The following GPC5 variants were observed in gnomAD, a reference collection of about 807,000 sequenced individuals.
GPC5 encodes the protein glypican 5, also known as glypican-5.
In GPC5, 47 loss-of-function variants were observed where a neutral mutation model predicts 53.9. The observed-to-expected ratio is 0.87, with a 90% CI of 0.69 to 1.11. The LOEUF (loss-of-function observed/expected upper bound fraction) is 1.11, where lower values mean the gene tolerates loss of function less well. Among genes scored for constraint, GPC5 ranks in the 50% most tolerant of loss-of-function variants. GPC5 has a pLI of 0.00. For missense variants in GPC5, 748 were observed against 713.1 expected (o/e 1.05, Z -0.56); for synonymous variants, 286 against 263.3 (o/e 1.09, Z -0.84).
chr13:92,103,886 T>A (rs1431600902), intron 6 of GPC5, among the ~76,000 whole-genome samples: 1 of 152,138 alleles, frequency 6.6e-6, no homozygotes, highest in East Asian at 1.9e-4. Flanking sequence ...GAGTTGCGAT[T>A]CCCAGGAACG....
At chr13:91,702,691 T>G (rs1364647072) in intron 3 of GPC5, among the ~76,000 whole-genome samples, 1 of 152,078 alleles carries the variant, frequency 6.6e-6, no homozygotes, top group African/African-American at 2.4e-5. Context: ...ATTGGTACTT[T>G]GATAGAGATT....
Position 91,693,600 on chromosome 13 carries a change from G to C in GPC5, c.739G>C (p.Glu247Gln), listed in dbSNP as rs1307215166. 1 of 1,613,980 alleles carries C rather than the reference G, an allele frequency of 6.2e-7. No homozygotes were observed. The highest frequency in any genetic ancestry group is 1.3e-5 in the African/African-American group (1 of 74,902). Residue 247 changes from glutamate (E) to glutamine (Q), a missense_variant, in exon 3 of 8, where the codon GAG becomes CAG. Physicochemically the swap from Glu to Gln is conservative, Grantham distance 29. Coordinates refer to ENST00000377067, the MANE Select transcript of GPC5 (RefSeq NM_004466.6). ...NTTDYLHFSK[E>Q]CSRALLKMQY... Reference sequence around the variant, plus strand: ...CACAGACTATCTGCACTTCTCCAAAGAGTGCAGCAGAGCCCTCCTGAAGAT... The same window carrying C: ...CACAGACTATCTGCACTTCTCCAAACAGTGCAGCAGAGCCCTCCTGAAGAT...
chr13:91,653,139 A>G (rs2139567144), intron 2 of GPC5, among the ~76,000 whole-genome samples: 1 of 152,346 alleles, frequency 6.6e-6, no homozygotes, highest in East Asian at 1.9e-4. Context: ...AAAAGATGAC[A>G]ACTCCAGTAA....
intron 6 of GPC5, among the ~76,000 whole-genome samples, chr13:92,032,017 ATATATAT>A (rs1010900669): frequency 7.5e-6 from 1 of 133,342 alleles, no homozygotes; most frequent in African/African-American, 2.8e-5. Flanking sequence ...ATAATATATA[ATATATAT>A]AAAATATATA....
intron 7 of GPC5, among the ~76,000 whole-genome samples, chr13:92,355,984 C>A (rs948925988): frequency 5.4e-5 from 8 of 149,504 alleles, no homozygotes; most frequent in African/African-American, 2.0e-4. Flanking sequence ...AATATACAAA[C>A]TCCTTTGACC....
chr13:91,492,136 C>CT (rs1314497772), intron 2 of GPC5, among the ~76,000 whole-genome samples: 1 of 152,044 alleles, frequency 6.6e-6, no homozygotes, highest in Non-Finnish European at 1.5e-5. Flanking sequence ...TCAATTTATC[C>CT]TTTTTTGTTA....
chr13:92,378,141 G>A (rs2043709811), intron 7 of GPC5, among the ~76,000 whole-genome samples: 1 of 152,106 alleles, frequency 6.6e-6, no homozygotes, highest in African/African-American at 2.4e-5. Flanking sequence ...CATGTGAAGG[G>A]ATCCAACTCA....
At chr13:92,143,866 A>G (rs989300830) in intron 6 of GPC5, among the ~76,000 whole-genome samples, 2 of 152,186 alleles carry the variant, frequency 1.3e-5, no homozygotes, top group African/African-American at 4.8e-5. Flanking sequence ...GGAAAGTCAC[A>G]GAAGTAACAA....
At chr13:92,670,305 G>T (rs1285114701) in intron 7 of GPC5, among the ~76,000 whole-genome samples, 2 of 152,122 alleles carry the variant, frequency 1.3e-5, no homozygotes. Context: ...TCAATGTGAG[G>T]CATCCAAAGG....
At chr13:92,505,303 AG>A (rs1218472067) in intron 7 of GPC5, among the ~76,000 whole-genome samples, 2 of 152,040 alleles carry the variant, frequency 1.3e-5, no homozygotes, top group African/African-American at 4.8e-5. Context: ...AAAGGGCAAA[AG>A]ACTTGAACAG....
chr13:92,179,199 G>C (rs557998422), intron 7 of GPC5, among the ~76,000 whole-genome samples: 1 of 151,416 alleles, frequency 6.6e-6, no homozygotes, highest in Admixed American at 6.6e-5. Flanking sequence ...TTAGCTCTGG[G>C]GTAAAACAAA....
At chr13:91,512,782 C>T (rs1885301014) in intron 2 of GPC5, among the ~76,000 whole-genome samples, 1 of 152,150 alleles carries the variant, frequency 6.6e-6, no homozygotes, top group Non-Finnish European at 1.5e-5. Flanking sequence ...ATTCAAACAG[C>T]TGTGGGTCTG....
chr13:92,245,845 T>G (rs1316651937), intron 7 of GPC5, among the ~76,000 whole-genome samples: 2 of 152,178 alleles, frequency 1.3e-5, no homozygotes, highest in Non-Finnish European at 2.9e-5. Context: ...TAAAATTTAT[T>G]TTAACATCTT....
chr13:92,319,464 A>G (rs1198807868), intron 7 of GPC5, among the ~76,000 whole-genome samples: 1 of 151,744 alleles, frequency 6.6e-6, no homozygotes, highest in East Asian at 1.9e-4. Flanking sequence ...ATTAAGATGG[A>G]AATGTATTCT....
At chr13:92,415,691 G>C (rs965973730) in intron 7 of GPC5, among the ~76,000 whole-genome samples, 1 of 139,898 alleles carries the variant, frequency 7.1e-6, no homozygotes, top group African/African-American at 2.6e-5. Context: ...AAAAAAAAAA[G>C]AAGTAATAGC....
At chr13:92,744,956 A>G (rs1889204375) in intron 7 of GPC5, among the ~76,000 whole-genome samples, 1 of 152,030 alleles carries the variant, frequency 6.6e-6, no homozygotes, top group Admixed American at 6.6e-5. Flanking sequence ...TTGTACTGCA[A>G]GTTACCTGAG....
chr13:92,471,639 T>G (rs9589551), intron 7 of GPC5, among the ~76,000 whole-genome samples: 47,825 of 151,668 alleles, frequency 0.32, 8,300 homozygotes, highest in African/African-American at 0.42. Context: ...TACATATATA[T>G]AGAGAGAGAG....
chr13:91,517,446 C>T (rs532822171), intron 2 of GPC5, among the ~76,000 whole-genome samples: 4 of 152,300 alleles, frequency 2.6e-5, no homozygotes. Context: ...CCAAAAACTT[C>T]CTCATCTCCA....
intron 2 of GPC5, among the ~76,000 whole-genome samples, chr13:91,516,775 C>T (rs2139352271): frequency 6.6e-6 from 1 of 152,308 alleles, no homozygotes; most frequent in East Asian, 1.9e-4. Context: ...TTTATCTAGG[C>T]AGCCAGGCAG....
Sources: gnomAD v4.1 joint callset for allele counts (sites outside exome capture counted in the v4.1 genomes callset) on GRCh38, gnomAD v4.1.1 for gene constraint, MANE v1.5 for transcripts, NCBI Gene and HGNC (gene_info 2026-07-23, HGNC 2026-07-21) for gene names.